ZFPM2: variants seen among roughly 807,000 people sequenced by gnomAD.
The protein encoded by ZFPM2 is zinc finger protein ZFPM2.
In ZFPM2, 20 loss-of-function variants were observed where a neutral mutation model predicts 98.6. That is an observed-to-expected ratio of 0.20 (90% confidence interval 0.14 to 0.29). The LOEUF is 0.29. ZFPM2 is among the 10% of genes least tolerant of loss of function. The pLI, the probability that ZFPM2 is intolerant of heterozygous loss-of-function variation, is 1.00. For missense variants in ZFPM2, 1,310 were observed against 1,388.6 expected, an observed-to-expected ratio of 0.94 and a Z score of 0.90; for synonymous variants, 518 against 502.7, an observed-to-expected ratio of 1.03 and a Z score of -0.41.
rs944395912 is a variant in ZFPM2, at chr8:105,564,925, G to A, written c.420+3444G>A. On this transcript the variant is annotated intron_variant, in intron 4 of 7. Transcript: ENST00000407775. ...TTGGACAGTACTATAATATGTATTT[G>A]AAATCATAAATATTCCTTATAATAA... Among the ~76,000 whole-genome samples, 21 of 151,990 alleles carry A rather than the reference G, an allele frequency of 1.4e-4. 1 individual carries two copies. The highest frequency in any genetic ancestry group is 5.1e-4 in the African/African-American group (21 of 41,378).
At chr8:105,616,603 G>T (rs1289274729) in intron 4 of ZFPM2, 2 of 283,542 alleles carry the variant, frequency 7.1e-6, no homozygotes, top group African/African-American at 4.6e-5. Context: ...TGTGTTTCAG[G>T]TATAAGTCTA....
At chr8:105,634,740 G>A (rs1563752026) in intron 5 of ZFPM2, among the ~76,000 whole-genome samples, 1 of 152,106 alleles carries the variant, frequency 6.6e-6, no homozygotes, top group East Asian at 1.9e-4. Context: ...TTTGTGTCAA[G>A]GTGCATGGTC....
At position 105,798,417 on chromosome 8, in the gene ZFPM2, T is replaced by C. The variant is rs1366554946; in HGVS notation, c.740-307T>C. The C allele has an allele frequency of 2.2e-5, 5 of 222,266 alleles. No homozygotes were observed. In the East Asian group the frequency reaches 3.9e-4, roughly 17 times the overall value. 13.8% of individuals were successfully genotyped at this position (222,266 alleles called of 1,614,324 possible). A position where few individuals can be genotyped will look rare whatever the true frequency, so the allele number is the denominator to read the frequency against. On this transcript the variant is annotated intron_variant, in intron 6 of 7. Coordinates refer to ENST00000407775, the MANE Select transcript of ZFPM2 (RefSeq NM_012082.4). The stretch of plus-strand genomic sequence containing the variant: ...GTGAGTTGAGATCGCACCACTGCAC[T>C]GCAGCCTAGGTAACACAGTGAGAAT...
intron 3 of ZFPM2, among the ~76,000 whole-genome samples, chr8:105,539,600 G>T (rs1814533870): frequency 6.6e-6 from 1 of 152,104 alleles, no homozygotes; most frequent in East Asian, 1.9e-4. Flanking sequence ...AGATAGTAAA[G>T]AAACCAATAA....
chr8:105,688,109 C>T (rs1361874807), intron 5 of ZFPM2, among the ~76,000 whole-genome samples: 6 of 151,848 alleles, frequency 4.0e-5, no homozygotes, highest in Non-Finnish European at 7.4e-5. Context: ...GGTTGAACTA[C>T]TCAACTTTAA....
chr8:105,369,959 T>G (rs1379534653), intron 1 of ZFPM2, among the ~76,000 whole-genome samples: 1 of 152,178 alleles, frequency 6.6e-6, no homozygotes, highest in Non-Finnish European at 1.5e-5. Flanking sequence ...GAATATTATG[T>G]ATTTCTTTTG....
intron 5 of ZFPM2, among the ~76,000 whole-genome samples, chr8:105,719,043 C>A (rs1376136556): frequency 6.6e-6 from 1 of 151,958 alleles, no homozygotes; most frequent in African/African-American, 2.4e-5. Context: ...GAGTTCAGTA[C>A]ATTCTTGCCC....
chr8:105,406,890 T>C (rs372182629), intron 1 of ZFPM2, among the ~76,000 whole-genome samples: 1 of 151,984 alleles, frequency 6.6e-6, no homozygotes, highest in South Asian at 2.1e-4. Context: ...AAAATGCAGA[T>C]GGAACCTGAC....
chr8:105,778,520 T>G (rs1397712277), intron 5 of ZFPM2, among the ~76,000 whole-genome samples: 2 of 151,662 alleles, frequency 1.3e-5, no homozygotes, highest in Admixed American at 1.3e-4. Flanking sequence ...GTGTGTGTGT[T>G]TGTTTGCTAA....
At chr8:105,419,426 AT>A in intron 2 of ZFPM2, 124 bp downstream of exon 2, 1 of 1,191,160 alleles carries the variant, frequency 8.4e-7, no homozygotes, top group Non-Finnish European at 1.2e-6. Context: ...ATAAGTGCAG[AT>A]TTTTTTAAAC....
intron 5 of ZFPM2, among the ~76,000 whole-genome samples, chr8:105,666,088 C>G (rs1031697158): frequency 7.9e-5 from 12 of 152,066 alleles, no homozygotes; most frequent in Non-Finnish European, 1.6e-4. Flanking sequence ...AATCATCAAT[C>G]TTTGCATCTA....
chr8:105,586,578 A>G (rs1014123294), intron 4 of ZFPM2, among the ~76,000 whole-genome samples: 4 of 151,714 alleles, frequency 2.6e-5, no homozygotes, highest in African/African-American at 9.7e-5. Flanking sequence ...GTGTGCCACC[A>G]TGCCCAGCTA....
intron 3 of ZFPM2, among the ~76,000 whole-genome samples, chr8:105,458,121 G>A (rs1812626786): frequency 6.6e-6 from 1 of 152,132 alleles, no homozygotes; most frequent in Non-Finnish European, 1.5e-5. Flanking sequence ...CTCAAGGGAT[G>A]TCCTCTGAAC....
At chr8:105,741,303 G>T (rs767604131) in intron 5 of ZFPM2, among the ~76,000 whole-genome samples, 1 of 152,082 alleles carries the variant, frequency 6.6e-6, no homozygotes, top group African/African-American at 2.4e-5. Context: ...GAAACTGAGC[G>T]CCTATTAGGA....
rs953237326 is a variant in ZFPM2, at chr8:105,659,254, G to GA, written c.532+24907dup. ...ACCTAAATGGCTGATATGTTAAAAA[G>GA]AAAAAAAAAAGCAAATAAATAATAA... On this transcript the variant is annotated intron_variant, in intron 5 of 7. Transcript: ENST00000407775. Among the ~76,000 whole-genome samples the GA allele has an allele frequency of 6.5e-4, 95 of 145,700 alleles. 1 individual carries two copies. The South Asian group carries it at 9.6e-3, about 15-fold the overall frequency.
intron 1 of ZFPM2, among the ~76,000 whole-genome samples, chr8:105,396,341 T>G (rs1207874136): frequency 6.6e-6 from 1 of 152,196 alleles, no homozygotes; most frequent in African/African-American, 2.4e-5. Context: ...GTGAGTAGTT[T>G]ATGTTTGATG....
At chr8:105,419,805 A>G (rs1184966016) in intron 2 of ZFPM2, among the ~76,000 whole-genome samples, 1 of 151,808 alleles carries the variant, frequency 6.6e-6, no homozygotes, top group Admixed American at 6.6e-5. Context: ...AAAAATATAC[A>G]TTCTTTCTCC....
At chr8:105,743,250 G>A (rs1164485626) in intron 5 of ZFPM2, among the ~76,000 whole-genome samples, 2 of 152,002 alleles carry the variant, frequency 1.3e-5, no homozygotes, top group East Asian at 1.9e-4. Flanking sequence ...AAGTCCCTTT[G>A]AGTGATAGTG....
At chr8:105,424,838 C>T (rs1427649218) in intron 2 of ZFPM2, among the ~76,000 whole-genome samples, 2 of 152,136 alleles carry the variant, frequency 1.3e-5, no homozygotes, top group Non-Finnish European at 2.9e-5. Flanking sequence ...AGTCCCCACT[C>T]TCAGGAGGAG....
Sources: gnomAD v4.1 joint callset for allele counts (sites outside exome capture counted in the v4.1 genomes callset) on GRCh38, gnomAD v4.1.1 for gene constraint, MANE v1.5 for transcripts, NCBI Gene and HGNC (gene_info 2026-07-23, HGNC 2026-07-21) for gene names.